The following C9orf50 variants were observed in gnomAD, a reference collection of about 807,000 sequenced individuals.
The protein encoded by C9orf50 is chromosome 9 open reading frame 50.
C9orf50 carries 33 observed loss-of-function variants against 42.5 expected under a neutral mutation model. That is an observed-to-expected ratio of 0.78 (90% CI 0.59 to 1.04). C9orf50 has a LOEUF of 1.04. C9orf50 is among the 50% of genes least tolerant of loss of function. The pLI is 0.00. For missense variants in C9orf50, 547 were observed against 594.3 expected (o/e 0.92, Z 0.83); for synonymous variants, 257 against 273.4 (o/e 0.94, Z 0.59).
intron 3 of C9orf50, 89 bp downstream of exon 3, chr9:129,619,431 G>A (rs1257346368): frequency 1.1e-6 from 1 of 920,264 alleles, no homozygotes. Context: ...GTGGATAAAT[G>A]AATACATTCA....
chr9:129,616,901 G>A (rs550488911), intron 3 of C9orf50, among the ~76,000 whole-genome samples: 1 of 152,034 alleles, frequency 6.6e-6, no homozygotes, highest in Non-Finnish European at 1.5e-5. Flanking sequence ...TGAAACCCCC[G>A]TCTCTACCAA....
chr9:129,621,627 C>T (rs564008734), upstream of C9orf50, among the ~76,000 whole-genome samples: 53 of 152,310 alleles, frequency 3.5e-4, no homozygotes, highest in South Asian at 0.011. Flanking sequence ...CTTGGCCTCC[C>T]AAAGTGCTGG....
chr9:129,615,866 C>T (rs1475372073), intron 3 of C9orf50, among the ~76,000 whole-genome samples: 1 of 152,232 alleles, frequency 6.6e-6, no homozygotes, highest in East Asian at 1.9e-4. Context: ...GCACACAGTC[C>T]CCATGAAACG....
At position 129,620,194 on chromosome 9, in the gene C9orf50, G is replaced by A. The variant is rs1830613573; in HGVS notation, c.381C>T (p.Pro127=). The change falls in exon 1 of 7, where the codon CCC becomes CCT. Residue 127 remains proline, a synonymous_variant. Coordinates refer to ENST00000372478, the Ensembl canonical transcript of C9orf50. This position sits in a 1 kb window ranked among gnomAD's most constrained non-coding sequence, Gnocchi z 5.8. Reference sequence around the variant, plus strand: ...GGTCCTCCCTGGCCACGCGCCTCCGGGGGCGCTCGCGCTCTCCAGGCCCTG... The same window carrying A: ...GGTCCTCCCTGGCCACGCGCCTCCGAGGGCGCTCGCGCTCTCCAGGCCCTG... 6.9e-7 allele frequency: 1 copy of A among 1,450,300 alleles called. No homozygotes were observed. Among genetic ancestry groups the A allele is most frequent in the Non-Finnish European group, 9.1e-7 (1 of 1,098,214 alleles). 89.8% of individuals were successfully genotyped at this position (1,450,300 alleles called of 1,614,324 possible).
chr9:129,618,315 C>T lies in C9orf50; in HGVS notation c.716+1205G>A, dbSNP rs544078046. 1.4e-4 allele frequency among the ~76,000 whole-genome samples: 22 copies of T among 152,298 alleles called. No individual in the cohort carries two copies. The South Asian group carries it at 4.4e-3, about 30-fold the overall frequency. ...TCCTAGGCTCTTCTCTTACCTCCATCCCTTAGTTTTCTCCCAATATTCAAC... is the reference window on the plus strand; with the variant it reads ...TCCTAGGCTCTTCTCTTACCTCCATTCCTTAGTTTTCTCCCAATATTCAAC... On this transcript the variant is annotated intron_variant, in intron 3 of 6. Coordinates refer to ENST00000372478, the Ensembl canonical transcript of C9orf50.
exon 3 of C9orf50, chr9:129,619,536 CAGT>C: frequency 6.2e-7 from 1 of 1,613,676 alleles, no homozygotes; most frequent in Non-Finnish European, 8.5e-7. Context: ...GCCTTTCTGA[CAGT>C]GGTGAATTGT....
chr9:129,615,414 A>G, intron 4 of C9orf50, 70 bp downstream of exon 4: 1 of 1,461,142 alleles, frequency 6.8e-7, no homozygotes, highest in Admixed American at 2.3e-5. Flanking sequence ...AGGGGCCCGG[A>G]GCTACAGCCT....
chr9:129,618,597 C>T (rs1462205672), intron 3 of C9orf50, among the ~76,000 whole-genome samples: 1 of 152,084 alleles, frequency 6.6e-6, no homozygotes, highest in African/African-American at 2.4e-5. Flanking sequence ...CCTGGGTTTA[C>T]AAGTGGATGG....
At chr9:129,615,495 C>A in exon 4 of C9orf50, 1 of 1,597,536 alleles carries the variant, frequency 6.3e-7, no homozygotes, top group South Asian at 1.1e-5. Flanking sequence ...TGAGCGTCTG[C>A]GCTCCCAGTA....
At chr9:129,615,017 GGA>G (rs1231388345) in intron 4 of C9orf50, among the ~76,000 whole-genome samples, 2 of 152,254 alleles carry the variant, frequency 1.3e-5, no homozygotes, top group Admixed American at 6.5e-5. Context: ...ACTGTCTCCA[GGA>G]GAGAGAAAGT....
At chr9:129,618,868 G>GT (rs34259203) in intron 3 of C9orf50, among the ~76,000 whole-genome samples, 1,942 of 128,250 alleles carry the variant, frequency 0.015, 33 homozygotes, top group African/African-American at 0.042. Flanking sequence ...AATTTTTTGT[G>GT]TTTTTTTTTT....
chr9:129,615,480 T>C lies in C9orf50; in HGVS notation c.880+4A>G, dbSNP rs781120632. The C allele has an allele frequency of 6.3e-7, 1 of 1,583,394 alleles. No individual in the cohort carries two copies. On this transcript the variant is annotated splice_donor_region_variant and intron_variant, in intron 4 of 6. Transcript: ENST00000372478. ...TCTCGAGGCTCCCCATCCTGTCTGC[T>C]TACCTGAGCGTCTGCGCTCCCAGTA...
Position 129,620,511 on chromosome 9 carries a change from C to T in C9orf50, c.64G>A (p.Gly22Arg), listed in dbSNP as rs56148509. ...GGGTCGCTGCTGCGTCGGAAGTCTC[C>T]GTCGCCAGGGAGCCCCTTGGGCGCC... The change falls in exon 1 of 7, where the codon GGA (glycine) becomes AGA (arginine). Residue 22 changes from glycine (G) to arginine (R), a missense_variant. Physicochemically the swap from Gly to Arg is moderately radical, Grantham distance 125. Around this residue, in one of 3 missense-constraint regions of C9orf50, gnomAD observed 105 missense variants for 98.5 expected, o/e 1.07. Coordinates refer to ENST00000372478, the Ensembl canonical transcript of C9orf50. This position sits in a 1 kb window ranked among gnomAD's most constrained non-coding sequence, Gnocchi z 5.8. 2.1e-6 allele frequency: 3 copies of T among 1,438,598 alleles called. No individual in the cohort carries two copies. Among genetic ancestry groups the T allele is most frequent in the African/African-American group, 1.5e-5 (1 of 68,454 alleles). The allele number at this position is 1,438,598 out of a possible 1,614,324, so 89.1% of individuals were successfully genotyped here. A position where few individuals can be genotyped will look rare whatever the true frequency, so the allele number is the denominator to read the frequency against.
In C9orf50 at chr9:129,613,079, A is replaced by G. The variant is rs2118851277; in HGVS notation, c.1188+28T>C. On this transcript the variant is annotated intron_variant, in intron 6 of 6. Transcript: ENST00000372478. This position sits in a 1 kb window ranked among gnomAD's most constrained non-coding sequence, Gnocchi z 6.2. ...TGCCAGCAGGGGCTCACCAGCTTCT[A>G]GGTCCAGGAGCAAGACCATTTGCCC... 4 of 1,612,980 alleles carry G rather than the reference A, an allele frequency of 2.5e-6. No individual in the cohort carries two copies. The highest frequency in any genetic ancestry group is 3.4e-6 in the Non-Finnish European group (4 of 1,179,902).
In C9orf50 at chr9:129,614,841, G is replaced by T. The variant is rs1830273084; in HGVS notation, c.880+643C>A. On this transcript the variant is annotated intron_variant, in intron 4 of 6. Transcript: ENST00000372478. The surrounding 1 kb of genome is among the most constrained non-coding windows in gnomAD (Gnocchi z 4.4). ...GGCATGAACCCGGGAGGTGGAGCTT[G>T]CAGCGAGCCGAGATCGCGCCACTGC... Among the ~76,000 whole-genome samples the T allele has an allele frequency of 6.6e-6, 1 of 152,138 alleles. No homozygotes were observed. Among genetic ancestry groups the T allele is most frequent in the African/African-American group, 2.4e-5 (1 of 41,420 alleles).
At chr9:129,615,361 G>A in intron 4 of C9orf50, 123 bp downstream of exon 4, 1 of 1,063,608 alleles carries the variant, frequency 9.4e-7, no homozygotes, top group South Asian at 1.8e-5. Context: ...TCCTCTGCAG[G>A]ATCACTGATC....
chr9:129,612,367 G>T (rs147897388), exon 7 of C9orf50: 34 of 1,613,708 alleles, frequency 2.1e-5, no homozygotes, highest in Middle Eastern at 1.6e-4. Flanking sequence ...TCTGGCTGCA[G>T]TGTTGCGGAG....
chr9:129,612,375 G>C (rs1263191306), exon 7 of C9orf50: 4 of 1,613,766 alleles, frequency 2.5e-6, no homozygotes, highest in Non-Finnish European at 3.4e-6. Context: ...CAGTGTTGCG[G>C]AGGCCAGGAG....
intron 3 of C9orf50, among the ~76,000 whole-genome samples, chr9:129,618,868 G>GTTTTTTTTT (rs34259203): frequency 7.8e-6 from 1 of 128,302 alleles, no homozygotes; most frequent in African/African-American, 2.9e-5. Flanking sequence ...AATTTTTTGT[G>GTTTTTTTTT]TTTTTTTTTT....
Sources: gnomAD v4.1 joint callset for allele counts (sites outside exome capture counted in the v4.1 genomes callset) on GRCh38, gnomAD v4.1.1 for gene constraint, gnomAD v4.1.1 regional missense constraint, Gnocchi (gnomAD v3.1) non-coding constraint, MANE v1.5 for transcripts, NCBI Gene and HGNC (gene_info 2026-07-23, HGNC 2026-07-21) for gene names.